IMMP2L: variants seen among roughly 807,000 people sequenced by gnomAD.
The protein encoded by IMMP2L is mitochondrial inner membrane protease subunit 2.
In IMMP2L, 18 loss-of-function variants were observed where a neutral mutation model predicts 19.3. The observed-to-expected ratio is 0.93, with a 90% confidence interval of 0.64 to 1.38. The LOEUF is 1.38. Among genes scored for constraint, IMMP2L ranks in the 40% most tolerant of loss-of-function variants. The pLI is 0.00. For synonymous variants in IMMP2L, 76 were observed against 73.0 expected (o/e 1.04, Z -0.21); for missense variants, 233 against 218.2 (o/e 1.07, Z -0.43).
chr7:111,445,266 A>C (rs1838213690), intron 3 of IMMP2L, among the ~76,000 whole-genome samples: 1 of 152,100 alleles, frequency 6.6e-6, no homozygotes, highest in South Asian at 2.1e-4. Flanking sequence ...CCAAAAAAAA[A>C]TGAAATCTCA....
intron 3 of IMMP2L, among the ~76,000 whole-genome samples, chr7:111,093,911 T>G (rs1797131086): frequency 6.6e-6 from 1 of 152,136 alleles, no homozygotes; most frequent in African/African-American, 2.4e-5. Context: ...CATGCTGAGT[T>G]AGAATGCTGA....
chr7:110,702,988 A>C (rs564117681), intron 5 of IMMP2L, among the ~76,000 whole-genome samples: 6 of 152,310 alleles, frequency 3.9e-5, no homozygotes, highest in African/African-American at 1.4e-4. Flanking sequence ...TTTCTGTTTC[A>C]GAAAGAAATC....
intron 5 of IMMP2L, among the ~76,000 whole-genome samples, chr7:110,678,358 T>C (rs1792472870): frequency 6.6e-6 from 1 of 152,190 alleles, no homozygotes; most frequent in African/African-American, 2.4e-5. Flanking sequence ...TTATAGATAC[T>C]GATATCACCT....
intron 3 of IMMP2L, among the ~76,000 whole-genome samples, chr7:111,033,129 ATAAAT>A (rs1206583699): frequency 2.6e-5 from 4 of 152,220 alleles, no homozygotes; most frequent in Admixed American, 2.6e-4. Context: ...CAAATAATAA[ATAAAT>A]TAAAATAAGT....
Position 110,987,974 on chromosome 7 carries a change from A to C in IMMP2L, c.240-24409T>G, listed in dbSNP as rs781150520. Among the ~76,000 whole-genome samples, 39 of 152,186 alleles carry C rather than the reference A, an allele frequency of 2.6e-4. 1 individual carries two copies. The highest frequency in any genetic ancestry group is 4.0e-4 in the Non-Finnish European group (27 of 68,026). On this transcript the variant is annotated intron_variant, in intron 3 of 5. Transcript: ENST00000405709. ...TTAACAGCTTAGTTCTAGATCAGTGAAAGAGAGAATGTTAGAAAAACAAAT... is the reference window on the plus strand; with the variant it reads ...TTAACAGCTTAGTTCTAGATCAGTGCAAGAGAGAATGTTAGAAAAACAAAT...
intron 4 of IMMP2L, among the ~76,000 whole-genome samples, chr7:110,920,077 G>A (rs991300758): frequency 6.6e-6 from 1 of 152,130 alleles, no homozygotes; most frequent in African/African-American, 2.4e-5. Context: ...GGGCTCTTGG[G>A]CCTTTGGCTA....
intron 1 of IMMP2L, among the ~76,000 whole-genome samples, chr7:111,558,012 A>C (rs1791574380): frequency 6.6e-6 from 1 of 152,156 alleles, no homozygotes; most frequent in African/African-American, 2.4e-5. Context: ...CATTAAAAAA[A>C]ATAGAAAAAT....
intron 3 of IMMP2L, among the ~76,000 whole-genome samples, chr7:111,017,811 C>T (rs895154068): frequency 6.6e-6 from 1 of 152,082 alleles, no homozygotes. Context: ...GTGGTAGGAG[C>T]CATCAGAAGA....
At chr7:110,834,646 C>T (rs10231288) in intron 5 of IMMP2L, among the ~76,000 whole-genome samples, 3,533 of 152,138 alleles carry the variant, frequency 0.023, 139 homozygotes, top group African/African-American at 0.08. Flanking sequence ...TTAGTATTTG[C>T]TGTACAATCA....
intron 5 of IMMP2L, among the ~76,000 whole-genome samples, chr7:110,714,143 T>C (rs1795087223): frequency 6.6e-6 from 1 of 152,222 alleles, no homozygotes; most frequent in African/African-American, 2.4e-5. Context: ...TGAAGAGATG[T>C]TGGATTTTAT....
At chr7:110,964,866 G>A (rs895830517) in intron 3 of IMMP2L, among the ~76,000 whole-genome samples, 2 of 151,830 alleles carry the variant, frequency 1.3e-5, no homozygotes, top group Admixed American at 6.6e-5. Context: ...GGAGAGACTC[G>A]TGGTGAAGAA....
At chr7:111,515,766 T>G (rs1266602908) in intron 2 of IMMP2L, among the ~76,000 whole-genome samples, 2 of 152,166 alleles carry the variant, frequency 1.3e-5, no homozygotes, top group Non-Finnish European at 2.9e-5. Context: ...GAAACGTATC[T>G]TCCATCAACC....
At chr7:111,124,846 A>G in intron 3 of IMMP2L, 1 of 1,612,126 alleles carries the variant, frequency 6.2e-7, no homozygotes. Context: ...AGAAAAAAGT[A>G]CATCACTGAA....
rs1057090597 is a variant in IMMP2L at position 111,308,249 on chromosome 7, C to T, written c.239+178989G>A. Among the ~76,000 whole-genome samples the T allele has an allele frequency of 1.9e-4, 29 of 151,928 alleles. 1 individual carries two copies. The highest frequency in any genetic ancestry group is 6.6e-4 in the Admixed American group (10 of 15,256). On this transcript the variant is annotated intron_variant, in intron 3 of 5. Coordinates refer to ENST00000405709, the MANE Select transcript of IMMP2L (RefSeq NM_032549.4). ...ACTATTAATATCTGTAAATATTATA[C>T]ACCTTTCATGAAAATATGAAAGCTA...
At position 111,396,209 on chromosome 7, in the gene IMMP2L, G is replaced by A. The variant is rs560533303; in HGVS notation, c.239+91029C>T. Among the ~76,000 whole-genome samples the A allele has an allele frequency of 3.5e-4, 54 of 152,228 alleles. 1 individual carries two copies. The highest frequency in any genetic ancestry group is 5.6e-4 in the Non-Finnish European group (38 of 68,010). Reference sequence around the variant, plus strand: ...TATGTTTATAAAGACACATGGACACGTATGTTTACTGCAGCACTATTTACA... The same window carrying A: ...TATGTTTATAAAGACACATGGACACATATGTTTACTGCAGCACTATTTACA... On this transcript the variant is annotated intron_variant, in intron 3 of 5. Transcript: ENST00000405709.
intron 5 of IMMP2L, among the ~76,000 whole-genome samples, chr7:110,679,999 A>G (rs897916062): frequency 6.6e-6 from 1 of 152,178 alleles, no homozygotes; most frequent in African/African-American, 2.4e-5. Context: ...CATAGGGTCT[A>G]GTACAGGACA....
chr7:110,727,201 A>T lies in IMMP2L; in HGVS notation c.409-63480T>A, dbSNP rs1246692748. Among the ~76,000 whole-genome samples, 2 of 152,152 alleles carry T rather than the reference A, an allele frequency of 1.3e-5. No individual in the cohort carries two copies. The highest frequency in any genetic ancestry group is 3.9e-4 in the East Asian group (2 of 5,176). Reference sequence around the variant, plus strand: ...TCAGGAGTTTGAGACCTGCCTGACCAACATGGTGAAACCACGTCTCTACTA... The same window carrying T: ...TCAGGAGTTTGAGACCTGCCTGACCTACATGGTGAAACCACGTCTCTACTA... On this transcript the variant is annotated intron_variant, in intron 5 of 5. Transcript: ENST00000405709. The surrounding 1 kb of genome is among the most constrained non-coding windows in gnomAD (Gnocchi z 4.3).
rs1301367470 is a variant in IMMP2L, at chr7:111,123,673, G to A, written c.240-160108C>T. 7 of 1,613,684 alleles carry A rather than the reference G, an allele frequency of 4.3e-6. No homozygotes were observed. Among genetic ancestry groups the A allele is most frequent in the African/African-American group, 1.3e-5 (1 of 74,848 alleles). ...TAATATGCCTGAGCTGATTTCCATC[G>A]ATAGTCTTGCTGTGGATAACCTGCC... On this transcript the variant is annotated intron_variant, in intron 3 of 5. Transcript: ENST00000405709. This position sits in a 1 kb window ranked among gnomAD's most constrained non-coding sequence, Gnocchi z 6.4.
At chr7:110,903,317 T>C (rs1016061457) in intron 4 of IMMP2L, among the ~76,000 whole-genome samples, 1 of 152,200 alleles carries the variant, frequency 6.6e-6, no homozygotes, top group Non-Finnish European at 1.5e-5. Context: ...TATTGTTGAG[T>C]ATAGGTACAA....
Sources: allele counts gnomAD v4.1 joint callset (sites outside exome capture counted in the v4.1 genomes callset), GRCh38; gene constraint gnomAD v4.1.1; non-coding constraint Gnocchi (gnomAD v3.1); transcripts MANE v1.5; gene names NCBI Gene and HGNC (gene_info 2026-07-23, HGNC 2026-07-21).